CNTN4: variants seen among roughly 807,000 people sequenced by gnomAD.
CNTN4 encodes the protein contactin-4.
In CNTN4, 77 loss-of-function variants were observed where a neutral mutation model predicts 122.5. That is an observed-to-expected ratio of 0.63 (90% CI 0.52 to 0.76). The LOEUF (loss-of-function observed/expected upper bound fraction) is 0.76, where lower values mean the gene tolerates loss of function less well. CNTN4 is among the 30% of genes least tolerant of loss of function. The pLI is 0.00. For synonymous variants in CNTN4, 512 were observed against 447.0 expected, an observed-to-expected ratio of 1.15 and a Z score of -1.83; for missense variants, 1,256 against 1,259.1, an observed-to-expected ratio of 1.00 and a Z score of 0.04.
intron 2 of CNTN4, among the ~76,000 whole-genome samples, chr3:2,191,806 T>A (rs548998397): frequency 1.3e-5 from 2 of 152,136 alleles, no homozygotes; most frequent in Non-Finnish European, 2.9e-5. Flanking sequence ...TGTATGCATG[T>A]GCCATGTTGG....
At chr3:2,503,510 A>G (rs1030326960) in intron 3 of CNTN4, among the ~76,000 whole-genome samples, 4 of 152,248 alleles carry the variant, frequency 2.6e-5, no homozygotes, top group East Asian at 1.9e-4. Flanking sequence ...TTTAATTCCC[A>G]TATCATCTGC....
chr3:2,584,632 G>A (rs562944501), intron 4 of CNTN4, among the ~76,000 whole-genome samples: 2 of 149,768 alleles, frequency 1.3e-5, no homozygotes, highest in African/African-American at 4.9e-5. Context: ...AGGAGGTGGA[G>A]GTTGCAGTGA....
At chr3:2,277,775 C>T (rs1354472269) in intron 2 of CNTN4, among the ~76,000 whole-genome samples, 1 of 152,114 alleles carries the variant, frequency 6.6e-6, no homozygotes, top group Admixed American at 6.6e-5. Flanking sequence ...GTGAGATGCA[C>T]CTACATGGCT....
rs550523707 is a variant in CNTN4 at position 2,671,493 on chromosome 3, A to G, written c.56-64722A>G. On this transcript the variant is annotated intron_variant, in intron 4 of 24. Coordinates refer to ENST00000418658, the MANE Select transcript of CNTN4 (RefSeq NM_175607.3). The stretch of plus-strand genomic sequence containing the variant: ...GGTTATTCTAGTTAGCCATTCATGT[A>G]ATCTTTTTTCAAGGTTTTTAACTTC... Among the ~76,000 whole-genome samples the G allele has an allele frequency of 2.0e-5, 3 of 152,222 alleles. No individual in the cohort carries two copies. In the South Asian group the frequency reaches 6.2e-4, roughly 32 times the overall value.
intron 2 of CNTN4, among the ~76,000 whole-genome samples, chr3:2,318,293 A>T (rs2043178652): frequency 6.6e-6 from 1 of 152,080 alleles, no homozygotes. Flanking sequence ...TATACTATAT[A>T]GGAAAAGATA....
At chr3:2,624,383 C>T (rs771003918) in intron 4 of CNTN4, among the ~76,000 whole-genome samples, 5 of 152,020 alleles carry the variant, frequency 3.3e-5, no homozygotes, top group African/African-American at 4.8e-5. Flanking sequence ...AAAATTTCTA[C>T]TTTGATATAT....
intron 2 of CNTN4, among the ~76,000 whole-genome samples, chr3:2,146,609 A>G (rs1376789401): frequency 1.8e-4 from 27 of 152,106 alleles, no homozygotes; most frequent in Admixed American, 1.8e-3. Flanking sequence ...CATGACTCAC[A>G]GTATTGATTT....
intron 2 of CNTN4, among the ~76,000 whole-genome samples, chr3:2,104,387 T>C (rs2032260594): frequency 6.6e-6 from 1 of 152,186 alleles, no homozygotes; most frequent in Admixed American, 6.5e-5. Flanking sequence ...AAGCTCTTAA[T>C]TTTCAGTGAC....
At chr3:2,660,896 A>G (rs2083857830) in intron 4 of CNTN4, among the ~76,000 whole-genome samples, 1 of 152,244 alleles carries the variant, frequency 6.6e-6, no homozygotes, top group African/African-American at 2.4e-5. Context: ...AAGGAACTCA[A>G]GCCCAGAATG....
intron 6 of CNTN4, among the ~76,000 whole-genome samples, chr3:2,778,007 G>T (rs1341471181): frequency 6.6e-6 from 1 of 151,734 alleles, no homozygotes; most frequent in Non-Finnish European, 1.5e-5. Context: ...GAGGTCAGGA[G>T]ATCGAGGCCA....
chr3:2,541,635 A>G (rs778782089), intron 3 of CNTN4, among the ~76,000 whole-genome samples: 6 of 152,112 alleles, frequency 3.9e-5, no homozygotes, highest in Non-Finnish European at 5.9e-5. Context: ...CCTCTCCAAG[A>G]TATTTGGTTT....
chr3:2,635,498 A>G (rs532773859), intron 4 of CNTN4, among the ~76,000 whole-genome samples: 13 of 152,308 alleles, frequency 8.5e-5, no homozygotes, highest in African/African-American at 3.1e-4. Flanking sequence ...CCCCATGTCC[A>G]GTGGCTCCTT....
chr3:2,406,126 CA>C (rs943170896), intron 3 of CNTN4, among the ~76,000 whole-genome samples: 4 of 151,484 alleles, frequency 2.6e-5, no homozygotes, highest in Non-Finnish European at 4.4e-5. Flanking sequence ...GATGAAAGTT[CA>C]AAAAAAACAT....
chr3:2,988,508 A>G (rs1233863673), intron 14 of CNTN4, 36 bp downstream of exon 14: 49 of 1,609,330 alleles, frequency 3.0e-5, no homozygotes, highest in Non-Finnish European at 4.1e-5. Context: ...ATATTTATAT[A>G]TGTGTCCTCG....
intron 3 of CNTN4, among the ~76,000 whole-genome samples, chr3:2,444,487 G>A (rs915492347): frequency 9.9e-5 from 15 of 152,180 alleles, no homozygotes; most frequent in Admixed American, 6.6e-5. Flanking sequence ...ATTCGAGAAA[G>A]AGAAAGGCAA....
chr3:2,276,380 G>A (rs2149856765), intron 2 of CNTN4, among the ~76,000 whole-genome samples: 1 of 152,096 alleles, frequency 6.6e-6, no homozygotes, highest in African/African-American at 2.4e-5. Flanking sequence ...CACCACGTTG[G>A]CCAGGCTGGT....
chr3:2,173,849 T>G (rs1235113437), intron 2 of CNTN4, among the ~76,000 whole-genome samples: 1 of 152,022 alleles, frequency 6.6e-6, no homozygotes, highest in East Asian at 1.9e-4. Flanking sequence ...AAGGAAAAAA[T>G]AATTAAATAA....
chr3:2,713,972 G>A (rs1180249315), intron 4 of CNTN4, among the ~76,000 whole-genome samples: 1 of 152,154 alleles, frequency 6.6e-6, no homozygotes, highest in Non-Finnish European at 1.5e-5. Flanking sequence ...TGCATGTAAA[G>A]CACTTAGTGA....
chr3:2,438,643 A>T (rs1369923057), intron 3 of CNTN4, among the ~76,000 whole-genome samples: 1 of 152,232 alleles, frequency 6.6e-6, no homozygotes, highest in East Asian at 1.9e-4. Flanking sequence ...GTTTGCCAAG[A>T]TAAGAAATAA....
Sources: allele counts gnomAD v4.1 joint callset (sites outside exome capture counted in the v4.1 genomes callset), GRCh38; gene constraint gnomAD v4.1.1; transcripts MANE v1.5; gene names NCBI Gene and HGNC (gene_info 2026-07-23, HGNC 2026-07-21).